The following ITSN2 variants were observed in gnomAD, a reference collection of about 807,000 sequenced individuals.
ITSN2 encodes the protein intersectin 2.
In ITSN2, 156 loss-of-function variants were observed where a neutral mutation model predicts 243.7. The observed-to-expected ratio is 0.64, with a 90% CI of 0.56 to 0.73. The LOEUF (loss-of-function observed/expected upper bound fraction) is 0.73. ITSN2 is among the 30% of genes least tolerant of loss of function. The pLI, the probability that ITSN2 is intolerant of heterozygous loss-of-function variation, is 0.00. For missense variants in ITSN2, 1,801 were observed against 1,996.1 expected, an observed-to-expected ratio of 0.90 and a Z score of 1.86; for synonymous variants, 703 against 699.9, an observed-to-expected ratio of 1.00 and a Z score of -0.07.
chr2:24,204,867 A>G lies in ITSN2; in HGVS notation c.4762+347T>C. On this transcript the variant is annotated intron_variant, in intron 38 of 39. Coordinates refer to ENST00000355123, the MANE Select transcript of ITSN2 (RefSeq NM_006277.3). This position sits in a 1 kb window ranked among gnomAD's most constrained non-coding sequence, Gnocchi z 5.1. ...GTCATCAGTGGCTGGGCGCAGTGGCACTTTGTCAGTGACAAAGTGCTGTAA... is the reference window on the plus strand; with the variant it reads ...GTCATCAGTGGCTGGGCGCAGTGGCGCTTTGTCAGTGACAAAGTGCTGTAA... 2.5e-6 allele frequency: 1 copy of G among 398,282 alleles called. No individual in the cohort carries two copies. The highest frequency in any genetic ancestry group is 2.0e-5 in the African/African-American group (1 of 48,782). The allele number at this position is 398,282 out of a possible 1,614,324, so 24.7% of individuals were successfully genotyped here.
chr2:24,272,412 A>G (rs1677477623), intron 18 of ITSN2, among the ~76,000 whole-genome samples: 1 of 151,196 alleles, frequency 6.6e-6, no homozygotes, highest in African/African-American at 2.4e-5. Context: ...ATGCTTCTAG[A>G]AAAACAACCT....
intron 20 of ITSN2, among the ~76,000 whole-genome samples, chr2:24,265,241 C>T (rs575395395): frequency 6.6e-6 from 1 of 152,228 alleles, no homozygotes; most frequent in African/African-American, 2.4e-5. Context: ...TCCATGAACA[C>T]TATATATCTT....
chr2:24,224,064 A>C (rs1670780551), intron 29 of ITSN2, among the ~76,000 whole-genome samples: 1 of 6,196 alleles, frequency 1.6e-4, no homozygotes, highest in Non-Finnish European at 3.8e-4. Context: ...GCTTTTGTGG[A>C]GCAAGGAGAG....
At chr2:24,322,434 T>A (rs769074182) in intron 2 of ITSN2, among the ~76,000 whole-genome samples, 1 of 152,202 alleles carries the variant, frequency 6.6e-6, no homozygotes, top group Non-Finnish European at 1.5e-5. Flanking sequence ...ATAAATACAC[T>A]CACAAATATA....
rs532767494 is a variant in ITSN2, at chr2:24,301,753, C to T, written c.995+212G>A. On this transcript the variant is annotated intron_variant, in intron 10 of 39. Coordinates refer to ENST00000355123, the MANE Select transcript of ITSN2 (RefSeq NM_006277.3). ...GTTGTCCACGCTGGTCCTGAACTCC[C>T]GGCCTCATGTGATCCTCCCACCTTG... Among the ~76,000 whole-genome samples, 23 of 152,086 alleles carry T rather than the reference C, an allele frequency of 1.5e-4. No individual in the cohort carries two copies. In the East Asian group the frequency reaches 4.3e-3, roughly 28 times the overall value.
intron 2 of ITSN2, among the ~76,000 whole-genome samples, chr2:24,318,887 C>T (rs1558620654): frequency 2.0e-5 from 3 of 152,200 alleles, no homozygotes; most frequent in Non-Finnish European, 4.4e-5. Context: ...GGCAAGTGAG[C>T]ACTACCACCT....
At position 24,286,393 on chromosome 2, in the gene ITSN2, C is replaced by T. The variant is rs544343061; in HGVS notation, c.1724-42G>A. 2.0e-5 allele frequency: 32 copies of T among 1,574,414 alleles called. No homozygotes were observed. In the South Asian group the frequency reaches 3.5e-4, roughly 17 times the overall value. On this transcript the variant is annotated intron_variant, in intron 15 of 39. Transcript: ENST00000355123. Reference sequence around the variant, plus strand: ...AGACAGTTTACATTTTGCAGAAGTTCGTATGTCATTACCAGCATGTCATTT... The same window carrying T: ...AGACAGTTTACATTTTGCAGAAGTTTGTATGTCATTACCAGCATGTCATTT...
intron 20 of ITSN2, among the ~76,000 whole-genome samples, chr2:24,269,142 A>G (rs1677044244): frequency 6.6e-6 from 1 of 151,488 alleles, no homozygotes; most frequent in African/African-American, 2.4e-5. Context: ...GTTTCTCAGG[A>G]ACTGCATCCT....
intron 25 of ITSN2, among the ~76,000 whole-genome samples, chr2:24,250,347 G>T (rs1673934538): frequency 6.6e-6 from 1 of 152,132 alleles, no homozygotes; most frequent in Non-Finnish European, 1.5e-5. Context: ...CAGCTGGCAG[G>T]ATTTTTTGCC....
At chr2:24,328,543 AC>A (rs1685419263) in intron 1 of ITSN2, among the ~76,000 whole-genome samples, 2 of 151,972 alleles carry the variant, frequency 1.3e-5, no homozygotes, top group South Asian at 4.2e-4. Context: ...GCTCACTGCA[AC>A]CTCTGCCTCC....
At chr2:24,355,326 C>A (rs564891996) in intron 1 of ITSN2, among the ~76,000 whole-genome samples, 7 of 152,314 alleles carry the variant, frequency 4.6e-5, no homozygotes, top group Admixed American at 4.6e-4. Flanking sequence ...ACTTGGAATC[C>A]TGTCTTTAAA....
At chr2:24,205,448 C>T (rs1366806411) in intron 37 of ITSN2, 151 bp from the exon 38 acceptor site, 1 of 626,872 alleles carries the variant, frequency 1.6e-6, no homozygotes, top group African/African-American at 1.8e-5. Flanking sequence ...GTGCCTTTCC[C>T]CAGGCTGTGT....
chr2:24,212,878 ATTTT>A, intron 32 of ITSN2, 130 bp from the exon 33 acceptor site: 1 of 754,054 alleles, frequency 1.3e-6, no homozygotes, highest in Non-Finnish European at 2.2e-6. Flanking sequence ...CTGTTTTAGA[ATTTT>A]TTTTAGGTGA....
At chr2:24,334,146 C>T (rs1210289825) in intron 1 of ITSN2, among the ~76,000 whole-genome samples, 1 of 152,070 alleles carries the variant, frequency 6.6e-6, no homozygotes, top group Non-Finnish European at 1.5e-5. Flanking sequence ...GCAACCTCCG[C>T]CTCCCAGGTT....
At chr2:24,217,877 C>T (rs372773341) in intron 31 of ITSN2, 30 bp downstream of exon 31, 18 of 1,494,692 alleles carry the variant, frequency 1.2e-5, no homozygotes, top group Middle Eastern at 1.7e-4. Flanking sequence ...TTGGGGTCAG[C>T]GGCAATGACA....
rs529889734 is a variant in ITSN2, at chr2:24,340,635, G to A, written c.-33-12520C>T. On this transcript the variant is annotated intron_variant, in intron 1 of 39. Coordinates refer to ENST00000355123, the MANE Select transcript of ITSN2 (RefSeq NM_006277.3). ...ACTTCTAATACCATAGATTCGTTCT[G>A]TCTGCTAAGGTACTTCATATGAATG... Among the ~76,000 whole-genome samples, 4 of 152,164 alleles carry A rather than the reference G, an allele frequency of 2.6e-5. No homozygotes were observed. The East Asian group carries it at 7.7e-4, about 29-fold the overall frequency.
chr2:24,291,723 C>T (rs1441969297), intron 15 of ITSN2, among the ~76,000 whole-genome samples: 2 of 152,010 alleles, frequency 1.3e-5, no homozygotes, highest in Non-Finnish European at 2.9e-5. Flanking sequence ...CTCTTGACCT[C>T]GTGATCCGCC....
At chr2:24,255,640 A>G (rs1050113322) in intron 23 of ITSN2, among the ~76,000 whole-genome samples, 1 of 148,504 alleles carries the variant, frequency 6.7e-6, no homozygotes, top group African/African-American at 2.5e-5. Flanking sequence ...AAAATAAATA[A>G]AAAGGGCTGG....
rs1683566784 is a variant in ITSN2, at chr2:24,313,841, TAA to T, written c.125-320_125-319del. 2.6e-5 allele frequency among the ~76,000 whole-genome samples: 4 copies of T among 152,356 alleles called. No individual in the cohort carries two copies. The South Asian group carries it at 8.3e-4, about 32-fold the overall frequency. ...ATTTATATTTAAAAACACTATTCCCTAAAAGAGTTTCAATATAAAAAGTACCA... is the reference window on the plus strand; with the variant it reads ...ATTTATATTTAAAAACACTATTCCCTAAGAGTTTCAATATAAAAAGTACCA... On this transcript the variant is annotated intron_variant, in intron 3 of 39. Transcript: ENST00000355123.
Sources: gnomAD v4.1 joint callset for allele counts (sites outside exome capture counted in the v4.1 genomes callset) on GRCh38, gnomAD v4.1.1 for gene constraint, Gnocchi (gnomAD v3.1) non-coding constraint, MANE v1.5 for transcripts, NCBI Gene and HGNC (gene_info 2026-07-23, HGNC 2026-07-21) for gene names.